The following CCSER1 variants were observed in gnomAD, a reference collection of about 807,000 sequenced individuals.
The protein encoded by CCSER1 is coiled-coil serine rich protein 1.
Under a neutral mutation model 82.0 loss-of-function variants are expected in CCSER1, and 41 were observed. The ratio of observed to expected loss-of-function variants is 0.50; its 90% CI spans 0.39 to 0.65. The LOEUF is 0.65. Among genes scored for constraint, CCSER1 ranks in the 30% least tolerant of loss-of-function variants. The pLI, the probability that CCSER1 is intolerant of heterozygous loss-of-function variation, is 0.00. For missense variants in CCSER1, 1,119 were observed against 1,064.2 expected, an observed-to-expected ratio of 1.05 and a Z score of -0.72; for synonymous variants, 414 against 383.9, an observed-to-expected ratio of 1.08 and a Z score of -0.92.
At chr4:91,560,764 T>C (rs2110252399) in intron 10 of CCSER1, among the ~76,000 whole-genome samples, 1 of 151,542 alleles carries the variant, frequency 6.6e-6, no homozygotes, top group African/African-American at 2.4e-5. Flanking sequence ...GACCAGAGTT[T>C]TAAGCTTCTC....
At chr4:90,281,006 A>G (rs114981424) in intron 1 of CCSER1, among the ~76,000 whole-genome samples, 1,927 of 152,138 alleles carry the variant, frequency 0.013, 52 homozygotes, top group African/African-American at 0.044. Flanking sequence ...ATTTTCATAC[A>G]TCCATACTAT....
intron 10 of CCSER1, among the ~76,000 whole-genome samples, chr4:91,313,063 G>T (rs1006943041): frequency 1.3e-5 from 2 of 151,678 alleles, no homozygotes; most frequent in Non-Finnish European, 1.5e-5. Context: ...TTTGTTCCAT[G>T]ACATTCAAAG....
chr4:91,546,325 A>T (rs778635119), intron 10 of CCSER1, among the ~76,000 whole-genome samples: 15 of 152,110 alleles, frequency 9.9e-5, no homozygotes, highest in Non-Finnish European at 2.2e-4. Context: ...TCTGGAAGAA[A>T]TTATAGATAA....
intron 9 of CCSER1, among the ~76,000 whole-genome samples, chr4:91,020,585 C>A (rs1159293159): frequency 2.0e-5 from 3 of 152,040 alleles, no homozygotes; most frequent in Non-Finnish European, 4.4e-5. Flanking sequence ...TGGCGTGAAC[C>A]CAGAAGGCGG....
chr4:90,552,265 T>C (rs764058751), intron 5 of CCSER1, among the ~76,000 whole-genome samples: 39 of 152,336 alleles, frequency 2.6e-4, no homozygotes, highest in Non-Finnish European at 3.8e-4. Context: ...TGTTAGTTGA[T>C]GATTGTTGAA....
chr4:91,487,855 G>T (rs891404175), intron 10 of CCSER1, among the ~76,000 whole-genome samples: 1 of 151,798 alleles, frequency 6.6e-6, no homozygotes, highest in Non-Finnish European at 1.5e-5. Flanking sequence ...AGTAAAAATA[G>T]TTTCAAATTG....
intron 6 of CCSER1, among the ~76,000 whole-genome samples, chr4:90,659,429 T>G (rs1730340643): frequency 6.6e-6 from 1 of 152,080 alleles, no homozygotes; most frequent in Admixed American, 6.5e-5. Context: ...TTAGAGGATT[T>G]AATGAGAAAT....
intron 5 of CCSER1, among the ~76,000 whole-genome samples, chr4:90,592,412 T>A (rs1335333135): frequency 9.2e-5 from 14 of 152,234 alleles, no homozygotes; most frequent in African/African-American, 3.1e-4. Context: ...TTAACAGCTT[T>A]AAAAATGTTT....
chr4:90,164,027 T>A (rs371951477), intron 1 of CCSER1, among the ~76,000 whole-genome samples: 4 of 152,162 alleles, frequency 2.6e-5, no homozygotes, highest in African/African-American at 9.6e-5. Context: ...GGGTGTTTGC[T>A]GCTGTCTTGG....
rs570091371 is a variant in CCSER1 at position 90,890,844 on chromosome 4, ACATTGGTTTGT to A, written c.2095-32525_2095-32515del. On this transcript the variant is annotated intron_variant, in intron 8 of 10. Coordinates refer to ENST00000509176, the MANE Select transcript of CCSER1 (RefSeq NM_001145065.2). ...TTTTGATTTATTTTGTTTTGGTTTG[ACATTGGTTTGT>A]GTGAACTCTAATGTCTAGCATTAGA... 1.5e-3 allele frequency among the ~76,000 whole-genome samples: 233 copies of A among 152,234 alleles called. 2 individuals are homozygous for A. Among genetic ancestry groups the A allele is most frequent in the Non-Finnish European group, 1.8e-4 (12 of 68,000 alleles).
chr4:90,916,107 T>C (rs1727354818), intron 8 of CCSER1, among the ~76,000 whole-genome samples: 1 of 152,108 alleles, frequency 6.6e-6, no homozygotes, highest in African/African-American at 2.4e-5. Context: ...ATTTATAGAT[T>C]CAATGCCATC....
chr4:90,418,908 G>T (rs947857932), intron 4 of CCSER1, among the ~76,000 whole-genome samples: 7 of 151,972 alleles, frequency 4.6e-5, no homozygotes, highest in African/African-American at 1.7e-4. Flanking sequence ...TAATTTCTAA[G>T]CATTTTGGAT....
In CCSER1 at chr4:90,407,650, G is replaced by C. The variant is rs549533495; in HGVS notation, c.1603+7521G>C. Among the ~76,000 whole-genome samples, 34 of 152,242 alleles carry C rather than the reference G, an allele frequency of 2.2e-4. 1 individual carries two copies. Among genetic ancestry groups the C allele is most frequent in the African/African-American group, 7.7e-4 (32 of 41,554 alleles). The stretch of plus-strand genomic sequence containing the variant: ...AGCATCATATCAAAAAGATGATCCA[G>C]AGGTGGAGCCAAGATGGCCGAATAG... On this transcript the variant is annotated intron_variant, in intron 4 of 10. Coordinates refer to ENST00000509176, the MANE Select transcript of CCSER1 (RefSeq NM_001145065.2).
chr4:90,438,219 T>C (rs1051758578), intron 4 of CCSER1, among the ~76,000 whole-genome samples: 1 of 152,164 alleles, frequency 6.6e-6, no homozygotes, highest in East Asian at 1.9e-4. Context: ...TGCACAACTT[T>C]AGAAGTATAA....
intron 10 of CCSER1, among the ~76,000 whole-genome samples, chr4:91,181,664 C>A (rs1044849146): frequency 1.3e-5 from 2 of 152,160 alleles, no homozygotes; most frequent in African/African-American, 4.8e-5. Flanking sequence ...TCAAGCTAAA[C>A]ATCCCCTTAG....
chr4:91,167,903 C>T (rs541123789), intron 10 of CCSER1, among the ~76,000 whole-genome samples: 13 of 152,138 alleles, frequency 8.5e-5, no homozygotes, highest in Admixed American at 7.8e-4. Context: ...TGCCTCTGCC[C>T]GGCCGCCACC....
chr4:90,770,748 C>A (rs1316727849), intron 7 of CCSER1, among the ~76,000 whole-genome samples: 1 of 152,094 alleles, frequency 6.6e-6, no homozygotes, highest in Non-Finnish European at 1.5e-5. Context: ...CTTTGTCTTT[C>A]ATGAGATTTT....
At chr4:91,294,814 C>T (rs192412915) in intron 10 of CCSER1, among the ~76,000 whole-genome samples, 1 of 152,028 alleles carries the variant, frequency 6.6e-6, no homozygotes, top group Non-Finnish European at 1.5e-5. Context: ...TTGTACAGAT[C>T]CTATTTTCAA....
intron 8 of CCSER1, among the ~76,000 whole-genome samples, chr4:90,823,321 T>C (rs1166393730): frequency 6.6e-6 from 1 of 152,174 alleles, no homozygotes; most frequent in African/African-American, 2.4e-5. Flanking sequence ...AAACAATGCA[T>C]TTTTAAATGG....
Sources: allele counts gnomAD v4.1 joint callset (sites outside exome capture counted in the v4.1 genomes callset), GRCh38; gene constraint gnomAD v4.1.1; transcripts MANE v1.5; gene names NCBI Gene and HGNC (gene_info 2026-07-23, HGNC 2026-07-21).